EYA4: variants seen among roughly 807,000 people sequenced by gnomAD.
EYA4 encodes the protein EYA transcriptional coactivator and phosphatase 4, also known as protein phosphatase EYA4.
In EYA4, 31 loss-of-function variants were observed where a neutral mutation model predicts 87.9. That is an observed-to-expected ratio of 0.35 (90% CI 0.27 to 0.48). EYA4 has a LOEUF of 0.48. Among genes scored for constraint, EYA4 ranks in the 20% least tolerant of loss-of-function variants. The pLI is 0.99. For synonymous variants in EYA4, 263 were observed against 270.6 expected, an observed-to-expected ratio of 0.97 and a Z score of 0.28; for missense variants, 678 against 761.4, an observed-to-expected ratio of 0.89 and a Z score of 1.29.
At chr6:133,322,781 T>A (rs1781192647) in intron 2 of EYA4, among the ~76,000 whole-genome samples, 1 of 152,224 alleles carries the variant, frequency 6.6e-6, no homozygotes, top group South Asian at 2.1e-4. Context: ...ATAGTGTTTA[T>A]GTCTTGCAAA....
At chr6:133,262,377 T>G (rs1266619230) in intron 1 of EYA4, among the ~76,000 whole-genome samples, 1 of 152,210 alleles carries the variant, frequency 6.6e-6, no homozygotes, top group East Asian at 1.9e-4. Flanking sequence ...TTCTCAGTAC[T>G]GGTAGGGAAG....
At chr6:133,312,894 T>G (rs922148874) in intron 2 of EYA4, among the ~76,000 whole-genome samples, 3 of 152,202 alleles carry the variant, frequency 2.0e-5, no homozygotes, top group African/African-American at 7.2e-5. Flanking sequence ...AATAGGACTT[T>G]CTTCCATTTC....
chr6:133,485,177 G>A (rs1040306159), intron 13 of EYA4, among the ~76,000 whole-genome samples: 2 of 152,120 alleles, frequency 1.3e-5, no homozygotes, highest in African/African-American at 4.8e-5. Context: ...CCAGGATGTC[G>A]ACAGGACATG....
At chr6:133,451,849 A>G (rs1242419438) in intron 5 of EYA4, among the ~76,000 whole-genome samples, 1 of 152,200 alleles carries the variant, frequency 6.6e-6, no homozygotes, top group Non-Finnish European at 1.5e-5. Flanking sequence ...ATCGATATAG[A>G]AAAGAATCTT....
intron 17 of EYA4, among the ~76,000 whole-genome samples, chr6:133,517,614 C>A (rs1292517869): frequency 6.6e-6 from 1 of 152,026 alleles, no homozygotes; most frequent in Non-Finnish European, 1.5e-5. Flanking sequence ...ACTCGTGGCA[C>A]AGGCAGAGCT....
intron 17 of EYA4, among the ~76,000 whole-genome samples, chr6:133,522,173 T>G (rs1430388219): frequency 1.3e-5 from 2 of 150,828 alleles, no homozygotes; most frequent in African/African-American, 2.4e-5. Flanking sequence ...AGAGTAGTTT[T>G]TTTTTTTTTT....
At chr6:133,293,429 A>G (rs1483548326) in intron 2 of EYA4, among the ~76,000 whole-genome samples, 1 of 152,154 alleles carries the variant, frequency 6.6e-6, no homozygotes, top group Non-Finnish European at 1.5e-5. Context: ...TCTCTCAGAA[A>G]CACTTGATGA....
At chr6:133,454,240 AAGTAGAAGTC>A (rs1180250984) in intron 5 of EYA4, among the ~76,000 whole-genome samples, 2 of 152,206 alleles carry the variant, frequency 1.3e-5, no homozygotes, top group Non-Finnish European at 2.9e-5. Flanking sequence ...ATTTAGCTGC[AAGTAGAAGTC>A]AGAAGCTCTG....
chr6:133,241,252 C>G (rs949980397), upstream of EYA4: 1 of 151,998 alleles, frequency 6.6e-6, no homozygotes, highest in Non-Finnish European at 1.5e-5. Flanking sequence ...GGCGGCCTCA[C>G]GAGCCCGCAG....
At chr6:133,353,636 A>G (rs906587984) in intron 2 of EYA4, among the ~76,000 whole-genome samples, 1 of 152,306 alleles carries the variant, frequency 6.6e-6, no homozygotes, top group East Asian at 1.9e-4. Context: ...CCTTATGTCT[A>G]GCATCAGGCA....
chr6:133,456,664 C>A lies in EYA4; in HGVS notation c.370+16C>A. On this transcript the variant is annotated intron_variant, in intron 6 of 19. Coordinates refer to ENST00000355286, the MANE Select transcript of EYA4 (RefSeq NM_004100.5). ...ACTGGGTCAGGTAAAGCCTTTAGCT[C>A]GTGTGTCCTTACGTACACATGGGGG... 1 of 1,545,714 alleles carries A rather than the reference C, an allele frequency of 6.5e-7. No individual in the cohort carries two copies. Among genetic ancestry groups the A allele is most frequent in the Non-Finnish European group, 8.9e-7 (1 of 1,117,756 alleles).
intron 16 of EYA4, among the ~76,000 whole-genome samples, 190 bp downstream of exon 16, chr6:133,513,228 C>T (rs1426727546): frequency 6.6e-6 from 1 of 152,190 alleles, no homozygotes; most frequent in Admixed American, 6.5e-5. Flanking sequence ...GCACCACCGT[C>T]ACATAAATTG....
At chr6:133,366,340 T>C (rs938136127) in intron 2 of EYA4, among the ~76,000 whole-genome samples, 7 of 152,186 alleles carry the variant, frequency 4.6e-5, no homozygotes, top group African/African-American at 7.2e-5. Context: ...AGATTATTTA[T>C]GTAGAGGTAT....
At chr6:133,390,031 G>A (rs1173333848) in intron 3 of EYA4, among the ~76,000 whole-genome samples, 1 of 152,124 alleles carries the variant, frequency 6.6e-6, no homozygotes, top group Non-Finnish European at 1.5e-5. Context: ...ATATGGTGTT[G>A]CCGTGTTGGT....
At chr6:133,370,627 T>C (rs1389917164) in intron 2 of EYA4, among the ~76,000 whole-genome samples, 2 of 152,208 alleles carry the variant, frequency 1.3e-5, no homozygotes, top group Non-Finnish European at 2.9e-5. Context: ...AGATTACATT[T>C]CACTACAAAA....
chr6:133,385,231 G>A (rs1389567832), intron 3 of EYA4, among the ~76,000 whole-genome samples: 2 of 150,116 alleles, frequency 1.3e-5, no homozygotes, highest in African/African-American at 4.9e-5. Flanking sequence ...CCTGGAAGGC[G>A]GAGCTTGCAG....
At chr6:133,425,320 G>A (rs947610124) in intron 3 of EYA4, among the ~76,000 whole-genome samples, 5 of 150,514 alleles carry the variant, frequency 3.3e-5, no homozygotes, top group Admixed American at 6.6e-5. Flanking sequence ...GGCAAAATCT[G>A]CAATCTAATT....
intron 13 of EYA4, among the ~76,000 whole-genome samples, chr6:133,487,922 G>C (rs373768573): frequency 1.1e-4 from 17 of 152,248 alleles, no homozygotes; most frequent in African/African-American, 3.6e-4. Context: ...AGGGCACCAA[G>C]TCGGCATGTG....
intron 19 of EYA4, 146 bp downstream of exon 19, chr6:133,525,400 C>G (rs1800553753): frequency 2.7e-6 from 2 of 742,726 alleles, no homozygotes; most frequent in Non-Finnish European, 4.8e-6. Context: ...TCAATACTTA[C>G]ATTCAAATAA....
Sources: allele counts gnomAD v4.1 joint callset (sites outside exome capture counted in the v4.1 genomes callset), GRCh38; gene constraint gnomAD v4.1.1; transcripts MANE v1.5; gene names NCBI Gene and HGNC (gene_info 2026-07-23, HGNC 2026-07-21).